DYSF: variants seen among roughly 807,000 people sequenced by gnomAD.
DYSF encodes the protein dysferlin.
A neutral mutation model predicts 274.9 loss-of-function variants in DYSF; 212 were observed. That is an observed-to-expected ratio of 0.77 (90% CI 0.69 to 0.86). The LOEUF is 0.86. Among genes scored for constraint, DYSF ranks in the 40% least tolerant of loss-of-function variants. The pLI is 0.00. For missense variants in DYSF, 2,666 were observed against 2,783.2 expected (o/e 0.96, Z 0.95); for synonymous variants, 1,091 against 1,078.7 (o/e 1.01, Z -0.22).
Position 71,574,356 on chromosome 2 carries a change from C to G in DYSF, c.3387C>G (p.Ala1129=), listed in dbSNP as rs773406325. 9.3e-6 allele frequency: 15 copies of G among 1,613,712 alleles called. 1 individual carries two copies. The highest frequency in any genetic ancestry group is 1.2e-5 in the Non-Finnish European group (14 of 1,179,724). ...AGACGGGGCCTGCAGCTGTGTTTGC[C>G]CTTGAGGGGGCCCTGGTATGTGGGG... is the stretch of plus-strand genomic sequence containing the variant. ...LEKTGPAAVF[A]LEGALGGVMD... The change falls in exon 30 of 56, where the codon GCC becomes GCG. Residue 1129 remains alanine (A), a synonymous_variant. Coordinates refer to ENST00000410020, the MANE Select transcript of DYSF (RefSeq NM_001130987.2).
At chr2:71,618,436 T>G (rs1469820733) in intron 40 of DYSF, among the ~76,000 whole-genome samples, 21 of 106,446 alleles carry the variant, frequency 2.0e-4, no homozygotes, top group African/African-American at 3.1e-4. Context: ...AGAGGTGGGG[T>G]GTGTGTGGTA....
intron 1 of DYSF, among the ~76,000 whole-genome samples, chr2:71,476,029 C>G (rs781404741): frequency 1.3e-5 from 2 of 152,166 alleles, no homozygotes; most frequent in Non-Finnish European, 2.9e-5. Context: ...ACCTCAGCCT[C>G]CCAAACTGCT....
At chr2:71,568,467 T>G in intron 26 of DYSF, 129 bp downstream of exon 26, 1 of 1,237,698 alleles carries the variant, frequency 8.1e-7, no homozygotes, top group Non-Finnish European at 1.1e-6. Flanking sequence ...CATAGGAACT[T>G]CCGCTGAACT....
At chr2:71,526,410 GTGGGCGATGGCGGGC>G in intron 13 of DYSF, 64 bp downstream of exon 13, 30 of 1,462,836 alleles carry the variant, frequency 2.1e-5, no homozygotes, top group East Asian at 2.4e-5. Context: ...GCTGGTGGGG[GTGGGCGATGGCGGGC>G]GGGGTCAGCT....
chr2:71,555,182 T>TGGA (rs2091252432), intron 21 of DYSF, among the ~76,000 whole-genome samples: 2 of 152,192 alleles, frequency 1.3e-5, no homozygotes, highest in African/African-American at 4.8e-5. Flanking sequence ...GGGGAGAACA[T>TGGA]GGAGTTGATG....
intron 42 of DYSF, among the ~76,000 whole-genome samples, chr2:71,652,977 G>A (rs2094692774): frequency 6.6e-6 from 1 of 152,232 alleles, no homozygotes. Context: ...ATTGAATTGA[G>A]TGTTGAATAA....
At chr2:71,557,281 T>G (rs1330800582) in intron 22 of DYSF, among the ~76,000 whole-genome samples, 2 of 152,238 alleles carry the variant, frequency 1.3e-5, no homozygotes, top group East Asian at 1.9e-4. Context: ...TCAGGGAAGC[T>G]TCCTGGAGAA....
At position 71,511,805 on chromosome 2, in the gene DYSF, A is replaced by G; in HGVS notation, c.346-2A>G. On this transcript the variant is annotated splice_acceptor_variant, in intron 4 of 55. Coordinates refer to ENST00000410020, the MANE Select transcript of DYSF (RefSeq NM_001130987.2). LOFTEE classifies it high-confidence loss of function. Reference sequence around the variant, plus strand: ...CTGTCCCCCACGTCTCATCTCTTCCAGGCCTCGCTGGTCCTGCAGGTGTCC... The same window carrying G: ...CTGTCCCCCACGTCTCATCTCTTCCGGGCCTCGCTGGTCCTGCAGGTGTCC... 6.5e-7 allele frequency: 1 copy of G among 1,546,304 alleles called. No individual in the cohort carries two copies. The highest frequency in any genetic ancestry group is 8.8e-7 in the Non-Finnish European group (1 of 1,142,386).
At chr2:71,503,956 T>C (rs2085231585) in intron 4 of DYSF, among the ~76,000 whole-genome samples, 1 of 152,236 alleles carries the variant, frequency 6.6e-6, no homozygotes, top group African/African-American at 2.4e-5. Flanking sequence ...TAGCCCCGCC[T>C]TCCAGGATGT....
Position 71,520,438 on chromosome 2 carries a change from G to T in DYSF, c.1033+230G>T, listed in dbSNP as rs12997658. 0.67 allele frequency among the ~76,000 whole-genome samples: 102,072 copies of T among 151,992 alleles called. 35,183 individuals carry two copies. Among genetic ancestry groups the T allele is most frequent in the African/African-American group, 0.76 (31,640 of 41,448 alleles). On this transcript the variant is annotated intron_variant, in intron 11 of 55. Coordinates refer to ENST00000410020, the MANE Select transcript of DYSF (RefSeq NM_001130987.2). Reference sequence around the variant, plus strand: ...CCATTCAGGGAGGCTAGATCTGAAAGGCCCCATTACTGGACACTGGGCTCA... The same window carrying T: ...CCATTCAGGGAGGCTAGATCTGAAATGCCCCATTACTGGACACTGGGCTCA...
intron 6 of DYSF, 94 bp from the exon 7 acceptor site, chr2:71,513,622 T>A (rs1433353077): frequency 1.7e-5 from 22 of 1,325,708 alleles, no homozygotes; most frequent in Non-Finnish European, 2.4e-5. Context: ...GGCCCATGCC[T>A]TTTGGATCTT....
intron 14 of DYSF, among the ~76,000 whole-genome samples, chr2:71,530,573 GCAAGAAGCTGCGCCTC>G (rs1460519923): frequency 6.6e-6 from 1 of 152,174 alleles, no homozygotes; most frequent in Admixed American, 6.5e-5. Context: ...CTGGGCTCAT[GCAAGAAGCTGCGCCTC>G]CCATTTTTCC....
intron 3 of DYSF, among the ~76,000 whole-genome samples, chr2:71,488,193 G>A (rs955629285): frequency 2.0e-5 from 3 of 152,108 alleles, no homozygotes; most frequent in African/African-American, 7.2e-5. Context: ...AAGAATTTTG[G>A]TAAAATGAAA....
intron 17 of DYSF, chr2:71,549,261 C>T: frequency 7.6e-7 from 1 of 1,311,714 alleles, no homozygotes; most frequent in Non-Finnish European, 1.1e-6. Context: ...TGTCTGCCTG[C>T]CAGCTCTCCA....
rs897086681 is a variant in DYSF, at chr2:71,551,221, C to A, written c.1692+65C>A. 5.8e-6 allele frequency: 9 copies of A among 1,543,310 alleles called. No individual in the cohort carries two copies. In the African/African-American group the frequency reaches 1.1e-4, roughly 19 times the overall value. ...TGCCCAGGTCCCTCAGGAGCCCAGG[C>A]CTGCATGCAGGGTCTTCCAGCCCCT... On this transcript the variant is annotated intron_variant, in intron 18 of 55. Coordinates refer to ENST00000410020, the MANE Select transcript of DYSF (RefSeq NM_001130987.2).
chr2:71,518,751 T>C (rs1033829188), intron 10 of DYSF, among the ~76,000 whole-genome samples: 1 of 152,042 alleles, frequency 6.6e-6, no homozygotes, highest in African/African-American at 2.4e-5. Context: ...GGGGCTTGGT[T>C]CTGCCTGTTG....
At chr2:71,559,602 C>G (rs1327810432) in intron 22 of DYSF, among the ~76,000 whole-genome samples, 1 of 152,302 alleles carries the variant, frequency 6.6e-6, no homozygotes, top group Admixed American at 6.5e-5. Context: ...CCCTCAGCAC[C>G]CCCACCCCTA....
intron 3 of DYSF, among the ~76,000 whole-genome samples, chr2:71,494,122 A>T (rs1182829121): frequency 6.6e-6 from 1 of 152,052 alleles, no homozygotes; most frequent in Non-Finnish European, 1.5e-5. Context: ...GCATACAAGC[A>T]TGAGAACCCT....
At chr2:71,457,310 T>A (rs115594787) in intron 1 of DYSF, among the ~76,000 whole-genome samples, 2,004 of 152,262 alleles carry the variant, frequency 0.013, 16 homozygotes, top group Non-Finnish European at 0.023. Flanking sequence ...ATTCTACAGA[T>A]AAGGAAACTG....
Sources: allele counts gnomAD v4.1 joint callset (sites outside exome capture counted in the v4.1 genomes callset), GRCh38; gene constraint gnomAD v4.1.1; transcripts MANE v1.5; gene names NCBI Gene and HGNC (gene_info 2026-07-23, HGNC 2026-07-21).